The following RPH3A variants were observed in gnomAD, a reference collection of about 807,000 sequenced individuals.
RPH3A encodes rabphilin-3A.
Under a neutral mutation model 102.2 loss-of-function variants are expected in RPH3A, and 48 were observed. The observed-to-expected ratio is 0.47, with a 90% CI of 0.37 to 0.60. RPH3A has a LOEUF of 0.60. RPH3A is among the 20% of genes least tolerant of loss of function. The pLI is 0.00. For synonymous variants in RPH3A, 310 were observed against 324.3 expected (o/e 0.96, Z 0.47); for missense variants, 781 against 910.1 (o/e 0.86, Z 1.83).
In RPH3A at chr12:112,678,303, A is replaced by AGAG. The variant is rs1555283198; in HGVS notation, c.-140+102984_-140+102985insGAG. Among the ~76,000 whole-genome samples, 24 of 50,174 alleles carry AGAG rather than the reference A, an allele frequency of 4.8e-4. 2 individuals carry two copies. The highest frequency in any genetic ancestry group is 9.3e-4 in the Non-Finnish European group (21 of 22,500). 32.9% of individuals were successfully genotyped at this position (50,174 alleles called of 152,430 possible). A position where few individuals can be genotyped will look rare whatever the true frequency, so the allele number is the denominator to read the frequency against. The stretch of plus-strand genomic sequence containing the variant: ...AAAGAAAGAAAGAAAGAAAGAAAGA[A>AGAG]AGAGAGAGAGAGAGAAAGAAAGAAA... On this transcript the variant is annotated intron_variant, in intron 1 of 21. Transcript: ENST00000543106.
intron 1 of RPH3A, among the ~76,000 whole-genome samples, chr12:112,669,727 T>C (rs2040113755): frequency 3.3e-5 from 5 of 152,110 alleles, no homozygotes. Flanking sequence ...ACTGTGTAGA[T>C]TGTTCAGCTA....
At chr12:112,807,941 G>C (rs2041500380) in intron 2 of RPH3A, among the ~76,000 whole-genome samples, 1 of 151,990 alleles carries the variant, frequency 6.6e-6, no homozygotes, top group Admixed American at 6.6e-5. Context: ...CCACTAGAAT[G>C]TCAGCGCCAC....
At chr12:112,886,197 C>T (rs2043000274) in intron 16 of RPH3A, among the ~76,000 whole-genome samples, 1 of 152,102 alleles carries the variant, frequency 6.6e-6, no homozygotes, top group South Asian at 2.1e-4. Flanking sequence ...GCCTCCCATG[C>T]CTTGCAGGAC....
chr12:112,756,641 C>G (rs889784346), intron 1 of RPH3A, among the ~76,000 whole-genome samples: 2 of 152,202 alleles, frequency 1.3e-5, no homozygotes, highest in African/African-American at 2.4e-5. Context: ...TTTGGATACA[C>G]TAATCACCTA....
At chr12:112,788,961 C>A (rs1374711016), upstream of RPH3A, among the ~76,000 whole-genome samples, 1 of 152,126 alleles carries the variant, frequency 6.6e-6, no homozygotes, top group Non-Finnish European at 1.5e-5. Context: ...GAGTTCGAGA[C>A]CAGCCTGACC....
At chr12:112,806,720 G>A (rs530290781) in intron 2 of RPH3A, among the ~76,000 whole-genome samples, 20 of 152,172 alleles carry the variant, frequency 1.3e-4, no homozygotes, top group African/African-American at 4.1e-4. Flanking sequence ...CTAGTTGGTC[G>A]TTTATAGTAT....
At chr12:112,576,416 A>G (rs2039359319) in intron 1 of RPH3A, among the ~76,000 whole-genome samples, 1 of 152,134 alleles carries the variant, frequency 6.6e-6, no homozygotes. Context: ...ATGGGGTTTC[A>G]CCATGTTGGC....
At chr12:112,896,605 C>A (rs1291929414) in intron 21 of RPH3A, 45 bp from the exon 22 acceptor site, 3 of 1,612,104 alleles carry the variant, frequency 1.9e-6, no homozygotes, top group Admixed American at 3.3e-5. Context: ...TCTAGAACGA[C>A]CTCTATTCTG....
At position 112,687,845 on chromosome 12, in the gene RPH3A, T is replaced by A. The variant is rs185234619; in HGVS notation, c.-139-104298T>A. Among the ~76,000 whole-genome samples the A allele has an allele frequency of 2.1e-3, 314 of 152,276 alleles. 2 individuals are homozygous for A. Among genetic ancestry groups the A allele is most frequent in the African/African-American group, 7.3e-3 (305 of 41,550 alleles). On this transcript the variant is annotated intron_variant, in intron 1 of 21. Transcript: ENST00000543106. ...CAGAGTTAGCAAGAAGTTCCTCCCT[T>A]CCCTGGTCCAAAGGCCCACCCCATT...
At position 112,635,178 on chromosome 12, in the gene RPH3A, G is replaced by A. The variant is rs1008874701; in HGVS notation, c.-140+59859G>A. On this transcript the variant is annotated intron_variant, in intron 1 of 21. Coordinates refer to the RPH3A transcript ENST00000543106. ...ACTATGCCACTATAATATGAAAGTAGCCATAGACAATATGTAACCAAGTGG... is the reference window on the plus strand; with the variant it reads ...ACTATGCCACTATAATATGAAAGTAACCATAGACAATATGTAACCAAGTGG... 3.3e-5 allele frequency among the ~76,000 whole-genome samples: 5 copies of A among 152,298 alleles called. 1 individual carries two copies. In the East Asian group the frequency reaches 9.6e-4, roughly 29 times the overall value.
At chr12:112,846,935 A>G (rs1813255868) in intron 4 of RPH3A, among the ~76,000 whole-genome samples, 1 of 152,164 alleles carries the variant, frequency 6.6e-6, no homozygotes, top group Admixed American at 6.5e-5. Flanking sequence ...CTTGCCAGCC[A>G]TGCATCCTTG....
chr12:112,681,816 AAC>A (rs2040228003), intron 1 of RPH3A, among the ~76,000 whole-genome samples: 1 of 152,244 alleles, frequency 6.6e-6, no homozygotes, highest in Non-Finnish European at 1.5e-5. Context: ...ACATTTTAAA[AAC>A]ACAAATCTGT....
Position 112,713,017 on chromosome 12 carries a change from C to CTTCTTCTTCT in RPH3A, c.-139-79125_-139-79124insTCTTCTTCTT, listed in dbSNP as rs1565857231. On this transcript the variant is annotated intron_variant, in intron 1 of 21. Coordinates refer to the RPH3A transcript ENST00000543106. ...TGTCTTCCTCTTCCTCTTCCTCTTC[C>CTTCTTCTTCT]TCTTCCTCTTCTTCTTCTTCTTCTT... is the stretch of plus-strand genomic sequence containing the variant. Among the ~76,000 whole-genome samples, 10 of 60,708 alleles carry CTTCTTCTTCT rather than the reference C, an allele frequency of 1.6e-4. 1 individual carries two copies. Among genetic ancestry groups the CTTCTTCTTCT allele is most frequent in the African/African-American group, 9.4e-4 (10 of 10,584 alleles). The allele number at this position is 60,708 out of a possible 152,430, so 39.8% of individuals were successfully genotyped here.
intron 2 of RPH3A, among the ~76,000 whole-genome samples, chr12:112,792,791 G>T (rs2041149229): frequency 6.6e-6 from 1 of 152,180 alleles, no homozygotes; most frequent in African/African-American, 2.4e-5. Context: ...TAATTGTGGT[G>T]ATTTTTGCGA....
At chr12:112,770,828 C>T (rs1451755558) in intron 1 of RPH3A, among the ~76,000 whole-genome samples, 3 of 152,286 alleles carry the variant, frequency 2.0e-5, no homozygotes, top group Non-Finnish European at 4.4e-5. Context: ...ATACCCCCAA[C>T]GGTAGTGTGG....
At chr12:112,607,632 G>T (rs370486606) in intron 1 of RPH3A, among the ~76,000 whole-genome samples, 1 of 152,156 alleles carries the variant, frequency 6.6e-6, no homozygotes, top group Non-Finnish European at 1.5e-5. Context: ...GCATCTGAAG[G>T]GTTTCCAGCA....
chr12:112,806,837 T>C (rs2041474895), intron 2 of RPH3A, among the ~76,000 whole-genome samples: 2 of 151,944 alleles, frequency 1.3e-5, no homozygotes, highest in Non-Finnish European at 2.9e-5. Flanking sequence ...TAATGATAAA[T>C]GAAGGCAAAG....
intron 13 of RPH3A, among the ~76,000 whole-genome samples, chr12:112,877,222 C>A (rs1450824866): frequency 2.6e-5 from 4 of 152,120 alleles, no homozygotes; most frequent in Non-Finnish European, 5.9e-5. Context: ...TATGACTCAG[C>A]AATTTCGCTC....
At chr12:112,718,241 C>A (rs2040526954) in intron 1 of RPH3A, among the ~76,000 whole-genome samples, 1 of 152,142 alleles carries the variant, frequency 6.6e-6, no homozygotes, top group Non-Finnish European at 1.5e-5. Context: ...ATATGTTGAC[C>A]TATTCAAACC....
Sources: allele counts gnomAD v4.1 joint callset (sites outside exome capture counted in the v4.1 genomes callset), GRCh38; gene constraint gnomAD v4.1.1; transcripts MANE v1.5; gene names NCBI Gene and HGNC (gene_info 2026-07-23, HGNC 2026-07-21).